Variants in IBTK observed in about 807,000 individuals in gnomAD.
The protein encoded by IBTK is BTK-binding protein.
In IBTK, 83 loss-of-function variants were observed where a neutral mutation model predicts 154.9. That is an observed-to-expected ratio of 0.54 (90% CI 0.45 to 0.64). IBTK has a LOEUF of 0.64. Ranked by LOEUF, IBTK falls within the 30% of genes least tolerant of loss-of-function variation. The pLI, the probability that IBTK is intolerant of heterozygous loss-of-function variation, is 0.00. For synonymous variants in IBTK, 515 were observed against 536.1 expected, an observed-to-expected ratio of 0.96 and a Z score of 0.54; for missense variants, 1,332 against 1,584.6, an observed-to-expected ratio of 0.84 and a Z score of 2.71.
intron 18 of IBTK, among the ~76,000 whole-genome samples, chr6:82,201,828 T>G (rs1166834936): frequency 1.3e-5 from 2 of 152,026 alleles, no homozygotes; most frequent in Non-Finnish European, 1.5e-5. Flanking sequence ...GTTCAAGTGA[T>G]TCTCCTGCTT....
At chr6:82,190,028 C>A (rs1320584522) in intron 25 of IBTK, among the ~76,000 whole-genome samples, 1 of 152,120 alleles carries the variant, frequency 6.6e-6, no homozygotes, top group African/African-American at 2.4e-5. Flanking sequence ...AGGTGCTTAA[C>A]AAATACTGAT....
intron 19 of IBTK, 40 bp from the exon 20 acceptor site, chr6:82,200,748 G>A: frequency 1.8e-6 from 1 of 568,852 alleles, no homozygotes. Context: ...TACAAAATCT[G>A]TGAAGTTTTT....
chr6:82,189,679 G>C (rs1768691284), intron 25 of IBTK, among the ~76,000 whole-genome samples: 1 of 152,126 alleles, frequency 6.6e-6, no homozygotes, highest in Admixed American at 6.5e-5. Context: ...GATCACAAAA[G>C]AGCACAGGAC....
intron 3 of IBTK, 67 bp from the exon 4 acceptor site, chr6:82,231,909 C>T (rs1770521031): frequency 1.2e-6 from 1 of 865,454 alleles, no homozygotes; most frequent in South Asian, 2.0e-5. Flanking sequence ...AATTTAACTA[C>T]AATATTTAGA....
At chr6:82,220,979 C>CACACAT (rs1183065764) in intron 8 of IBTK, among the ~76,000 whole-genome samples, 25 of 150,844 alleles carry the variant, frequency 1.7e-4, no homozygotes, top group Non-Finnish European at 2.5e-4. Flanking sequence ...CACACACACA[C>CACACAT]ATTAAATGCC....
chr6:82,224,975 T>C (rs1430499159), intron 6 of IBTK, among the ~76,000 whole-genome samples: 2 of 152,098 alleles, frequency 1.3e-5, no homozygotes, highest in Non-Finnish European at 2.9e-5. Flanking sequence ...CAAATGCTAA[T>C]ATGTACTATG....
At chr6:82,226,357 A>G (rs1770297546) in intron 5 of IBTK, among the ~76,000 whole-genome samples, 3 of 152,198 alleles carry the variant, frequency 2.0e-5, no homozygotes, top group South Asian at 2.1e-4. Flanking sequence ...CATTTAATAG[A>G]TAAGTATATC....
chr6:82,238,183 G>T (rs1357188716), intron 2 of IBTK, among the ~76,000 whole-genome samples: 2 of 151,982 alleles, frequency 1.3e-5, no homozygotes, highest in African/African-American at 4.8e-5. Flanking sequence ...GGTGGAGGTT[G>T]CAGTGAGCGG....
chr6:82,217,844 CA>C, intron 10 of IBTK, 115 bp downstream of exon 10: 1 of 651,934 alleles, frequency 1.5e-6, no homozygotes, highest in South Asian at 2.9e-5. Context: ...AAACTAATCA[CA>C]AAGATAAATA....
At chr6:82,203,320 T>C (rs1769281896) in intron 17 of IBTK, among the ~76,000 whole-genome samples, 6 of 152,122 alleles carry the variant, frequency 3.9e-5, no homozygotes. Flanking sequence ...TCTACCTACA[T>C]AACAGGTAAC....
At chr6:82,237,948 A>T (rs1290877870) in intron 2 of IBTK, among the ~76,000 whole-genome samples, 2 of 152,096 alleles carry the variant, frequency 1.3e-5, no homozygotes, top group African/African-American at 2.4e-5. Flanking sequence ...TACAAAAAAA[A>T]TTGTTAAATT....
intron 1 of IBTK, among the ~76,000 whole-genome samples, chr6:82,246,997 T>G (rs1014242346): frequency 6.6e-6 from 1 of 152,166 alleles, no homozygotes; most frequent in Non-Finnish European, 1.5e-5. Context: ...GAACTAAAAC[T>G]CTTTGAGCCA....
intron 5 of IBTK, among the ~76,000 whole-genome samples, chr6:82,226,346 C>T (rs1251856678): frequency 6.6e-6 from 1 of 152,054 alleles, no homozygotes; most frequent in Non-Finnish European, 1.5e-5. Flanking sequence ...TTTAAAAGCA[C>T]CATTTAATAG....
intron 16 of IBTK, among the ~76,000 whole-genome samples, chr6:82,210,147 T>C (rs968518337): frequency 6.6e-6 from 1 of 152,184 alleles, no homozygotes; most frequent in African/African-American, 2.4e-5. Context: ...TTCATAAATT[T>C]TGGTACAATT....
chr6:82,234,415 C>G (rs572962242), intron 2 of IBTK, among the ~76,000 whole-genome samples, 160 bp from the exon 3 acceptor site: 44 of 151,146 alleles, frequency 2.9e-4, no homozygotes, highest in African/African-American at 1.0e-3. Context: ...CTTGGCTCAC[C>G]GCAACCTCCA....
intron 3 of IBTK, 114 bp from the exon 4 acceptor site, chr6:82,231,956 TATG>T (rs1770522531): frequency 3.5e-6 from 2 of 563,812 alleles, no homozygotes; most frequent in Non-Finnish European, 6.0e-6. Flanking sequence ...AATATATTAA[TATG>T]ATATTAGGTA....
intron 22 of IBTK, 122 bp from the exon 23 acceptor site, chr6:82,194,764 C>G (rs1164508329): frequency 1.6e-6 from 1 of 623,360 alleles, no homozygotes; most frequent in East Asian, 3.4e-5. Flanking sequence ...GACAATAAGC[C>G]ATCTAGTATT....
intron 13 of IBTK, among the ~76,000 whole-genome samples, chr6:82,212,142 C>A (rs978220924): frequency 6.6e-6 from 1 of 151,986 alleles, no homozygotes; most frequent in African/African-American, 2.4e-5. Context: ...TCACAGGCAC[C>A]CGCCACTATG....
intron 25 of IBTK, among the ~76,000 whole-genome samples, chr6:82,184,183 T>C (rs1768451502): frequency 1.3e-5 from 2 of 152,346 alleles, no homozygotes; most frequent in South Asian, 4.1e-4. Flanking sequence ...TCCCACAATT[T>C]TATTTTCCTA....
Sources: allele counts gnomAD v4.1 joint callset (sites outside exome capture counted in the v4.1 genomes callset), GRCh38; gene constraint gnomAD v4.1.1; transcripts MANE v1.5; gene names NCBI Gene and HGNC (gene_info 2026-07-23, HGNC 2026-07-21).